HTR2C: variants seen among roughly 807,000 people sequenced by gnomAD.
The protein encoded by HTR2C is 5-hydroxytryptamine receptor 2C, also known as 5-hydroxytryptamine (serotonin) receptor 2C, G protein-coupled.
HTR2C carries 5 observed loss-of-function variants against 21.0 expected under a neutral mutation model. The observed-to-expected ratio is 0.24, with a 90% CI of 0.12 to 0.50. The LOEUF (loss-of-function observed/expected upper bound fraction) is 0.50. Ranked by LOEUF, HTR2C falls within the 20% of genes least tolerant of loss-of-function variation. HTR2C has a pLI of 0.98. For synonymous variants in HTR2C, 150 were observed against 145.3 expected (o/e 1.03, Z -0.23); for missense variants, 271 against 371.2 (o/e 0.73, Z 2.22).
chrX:114,760,171 T>C (rs1235089867), intron 4 of HTR2C, among the ~76,000 whole-genome samples: 1 of 111,619 alleles, frequency 9.0e-6, no homozygotes, highest in Non-Finnish European at 1.9e-5. Flanking sequence ...TTAAGTCACA[T>C]ACTTGCCCAT....
chrX:114,805,344 C>G (rs1247475414), intron 4 of HTR2C, among the ~76,000 whole-genome samples: 2 of 106,752 alleles, frequency 1.9e-5, no homozygotes, highest in Non-Finnish European at 3.8e-5. Context: ...AACTGAGGCC[C>G]TTCTCTTGTG....
chrX:114,859,713 C>T (rs2070991920), intron 5 of HTR2C, among the ~76,000 whole-genome samples: 1 of 110,877 alleles, frequency 9.0e-6, no homozygotes, highest in Non-Finnish European at 1.9e-5. Context: ...TTACCTCCTT[C>T]TTTCTACTTA....
chrX:114,794,752 A>G (rs1374795558), intron 4 of HTR2C, among the ~76,000 whole-genome samples: 16 of 109,083 alleles, frequency 1.5e-4, no homozygotes, highest in Non-Finnish European at 2.5e-4. Flanking sequence ...TATATGTGCC[A>G]CATTTTCTTA....
At chrX:114,737,587 G>C (rs2069604297) in intron 4 of HTR2C, among the ~76,000 whole-genome samples, 1 of 111,279 alleles carries the variant, frequency 9.0e-6, no homozygotes, top group Non-Finnish European at 1.9e-5. Flanking sequence ...AAGGAAAAAG[G>C]AATAGAGCAT....
At chrX:114,776,786 G>A (rs1249853106) in intron 4 of HTR2C, 41 of 305,900 alleles carry the variant, frequency 1.3e-4, no homozygotes, top group East Asian at 4.5e-4. Flanking sequence ...GGTTGCTGGC[G>A]TGTAGGGCCG....
chrX:114,891,959 G>T (rs1478861020), intron 5 of HTR2C, among the ~76,000 whole-genome samples: 2 of 110,665 alleles, frequency 1.8e-5, no homozygotes, highest in African/African-American at 6.6e-5. Flanking sequence ...TATTAATGTG[G>T]ATAATTTCTT....
intron 4 of HTR2C, among the ~76,000 whole-genome samples, chrX:114,771,600 G>A (rs1446323253): frequency 8.9e-6 from 1 of 111,890 alleles, no homozygotes. Flanking sequence ...TCTTGGGCAT[G>A]TGTACAGACA....
chrX:114,740,145 CAT>C (rs199632600), intron 4 of HTR2C, among the ~76,000 whole-genome samples: 3,908 of 108,243 alleles, frequency 0.036, 188 homozygotes, highest in African/African-American at 0.12. Context: ...TATATATAAA[CAT>C]GTGTGAATAT....
chrX:114,821,045 A>C (rs137946230), intron 4 of HTR2C, among the ~76,000 whole-genome samples: 1 of 111,754 alleles, frequency 8.9e-6, no homozygotes, highest in East Asian at 2.8e-4. Flanking sequence ...ATGTTTTGCA[A>C]CTTGGGCATA....
At chrX:114,874,342 G>C (rs2071115560) in intron 5 of HTR2C, among the ~76,000 whole-genome samples, 1 of 111,393 alleles carries the variant, frequency 9.0e-6, no homozygotes, top group South Asian at 3.7e-4. Flanking sequence ...CTGTTTTTAA[G>C]TTTTGAGGAA....
intron 4 of HTR2C, among the ~76,000 whole-genome samples, chrX:114,768,944 T>C (rs976808522): frequency 9.0e-5 from 10 of 111,365 alleles, no homozygotes; most frequent in Non-Finnish European, 1.7e-4. Context: ...ACAAAAGATC[T>C]TACAAGAGAT....
intron 4 of HTR2C, among the ~76,000 whole-genome samples, chrX:114,827,862 C>A (rs1180835175): frequency 2.7e-5 from 3 of 111,129 alleles, no homozygotes; most frequent in Non-Finnish European, 5.7e-5. Flanking sequence ...TGAAGATATG[C>A]AACTTTCAAT....
intron 2 of HTR2C, among the ~76,000 whole-genome samples, chrX:114,631,254 C>T (rs185124634): frequency 0.011 from 1,235 of 108,923 alleles, 15 homozygotes; most frequent in African/African-American, 0.04. Flanking sequence ...TGCAGTGAGC[C>T]GAGATCGCGC....
At position 114,828,427 on chromosome X, in the gene HTR2C, C is replaced by T. The variant is rs149861855; in HGVS notation, c.350-19576C>T. ...CTACAAATTCCAACATTTGCGTTAT[C>T]GAAGGGTTGCTGTCTTTGATTCTCT... On this transcript the variant is annotated intron_variant, in intron 4 of 5. Transcript: ENST00000276198. Among the ~76,000 whole-genome samples, 625 of 110,838 alleles carry T rather than the reference C, an allele frequency of 5.6e-3. 5 individuals are homozygous for T. The highest frequency in any genetic ancestry group is 0.02 in the African/African-American group (602 of 30,624).
Position 114,657,699 on chromosome X carries a change from T to A in HTR2C, c.-80+43818T>A, listed in dbSNP as rs1242002736. On this transcript the variant is annotated intron_variant, in intron 2 of 5. Transcript: ENST00000276198. ...TAATTATCTTTTTATTCTCATTTTTTTATATATATTTTTTATTATGCTTTA... is the reference window on the plus strand; with the variant it reads ...TAATTATCTTTTTATTCTCATTTTTATATATATATTTTTTATTATGCTTTA... 4.5e-5 allele frequency among the ~76,000 whole-genome samples: 5 copies of A among 111,413 alleles called. No individual in the cohort carries two copies. The South Asian group carries it at 1.1e-3, about 25-fold the overall frequency.
chrX:114,808,149 T>C (rs1556451440), intron 4 of HTR2C, among the ~76,000 whole-genome samples: 2 of 110,570 alleles, frequency 1.8e-5, no homozygotes, highest in African/African-American at 3.3e-5. Context: ...CTGGTAACTG[T>C]CATTTTACCC....
chrX:114,676,159 C>T (rs954368188), intron 2 of HTR2C, among the ~76,000 whole-genome samples: 7 of 111,246 alleles, frequency 6.3e-5, no homozygotes, highest in African/African-American at 9.8e-5. Flanking sequence ...TGTGAGCCAC[C>T]GCGCTCAGCC....
At chrX:114,710,164 C>T (rs1932870498) in intron 2 of HTR2C, among the ~76,000 whole-genome samples, 1 of 111,479 alleles carries the variant, frequency 9.0e-6, no homozygotes, top group Admixed American at 9.6e-5. Flanking sequence ...GTGGCATGTG[C>T]CTGTGGTCCC....
intron 1 of HTR2C, among the ~76,000 whole-genome samples, chrX:114,597,799 C>T (rs1212144397): frequency 9.0e-6 from 1 of 110,590 alleles, no homozygotes; most frequent in Non-Finnish European, 1.9e-5. Flanking sequence ...CAAAATTGTA[C>T]AAAAAAGAGA....
Sources: allele counts gnomAD v4.1 joint callset (sites outside exome capture counted in the v4.1 genomes callset), GRCh38; gene constraint gnomAD v4.1.1; transcripts MANE v1.5; gene names NCBI Gene and HGNC (gene_info 2026-07-23, HGNC 2026-07-21).